The following ANKRD28 variants were observed in gnomAD, a reference collection of about 807,000 sequenced individuals.
ANKRD28 encodes the protein ankyrin repeat domain 28.
ANKRD28 carries 44 observed loss-of-function variants against 126.5 expected under a neutral mutation model. The ratio of observed to expected loss-of-function variants is 0.35; its 90% CI spans 0.27 to 0.45. The LOEUF is 0.45. Among genes scored for constraint, ANKRD28 ranks in the 20% least tolerant of loss-of-function variants. ANKRD28 has a pLI of 1.00. For synonymous variants in ANKRD28, 442 were observed against 468.5 expected (o/e 0.94, Z 0.73); for missense variants, 1,110 against 1,316.6 (o/e 0.84, Z 2.43).
At chr3:15,730,910 C>G (rs567486448) in intron 6 of ANKRD28, among the ~76,000 whole-genome samples, 1 of 152,112 alleles carries the variant, frequency 6.6e-6, no homozygotes, top group Non-Finnish European at 1.5e-5. Context: ...TCTGTCCTCA[C>G]GAACATATCA....
intron 1 of ANKRD28, among the ~76,000 whole-genome samples, chr3:15,828,211 CAAAG>C (rs1411871492): frequency 6.6e-6 from 1 of 152,054 alleles, no homozygotes; most frequent in African/African-American, 2.4e-5. Context: ...GAAAGAATGA[CAAAG>C]AATTGCAGGG....
intron 1 of ANKRD28, among the ~76,000 whole-genome samples, chr3:15,811,613 C>G (rs2060713835): frequency 6.6e-6 from 1 of 151,972 alleles, no homozygotes; most frequent in South Asian, 2.1e-4. Context: ...CGCCACCATG[C>G]CCAGCTAATT....
intron 1 of ANKRD28, among the ~76,000 whole-genome samples, chr3:15,836,296 C>T (rs1030705321): frequency 5.3e-5 from 8 of 151,738 alleles, no homozygotes; most frequent in South Asian, 2.1e-4. Context: ...ATAGTTATAC[C>T]GGAGGACTAT....
chr3:15,700,283 A>T (rs2070364097), intron 14 of ANKRD28, among the ~76,000 whole-genome samples: 1 of 151,868 alleles, frequency 6.6e-6, no homozygotes, highest in Non-Finnish European at 1.5e-5. Flanking sequence ...AACATCATAC[A>T]CCGGGGCCTG....
intron 4 of ANKRD28, among the ~76,000 whole-genome samples, chr3:15,742,357 G>A (rs184785841): frequency 0.054 from 7,933 of 148,222 alleles, 624 homozygotes; most frequent in African/African-American, 0.17. Flanking sequence ...GCCGCCCATC[G>A]TCTGAGATGT....
chr3:15,771,308 G>T (rs2058991934), intron 2 of ANKRD28, among the ~76,000 whole-genome samples: 1 of 151,872 alleles, frequency 6.6e-6, no homozygotes. Flanking sequence ...TACTTGGGAG[G>T]CTGAGGCAGC....
chr3:15,782,107 T>C (rs1396246429), intron 2 of ANKRD28, among the ~76,000 whole-genome samples: 3 of 152,146 alleles, frequency 2.0e-5, no homozygotes, highest in East Asian at 3.8e-4. Context: ...CCACAAATCA[T>C]TGGAATATGT....
chr3:15,799,740 G>C (rs2060420962), upstream of ANKRD28, among the ~76,000 whole-genome samples: 1 of 152,020 alleles, frequency 6.6e-6, no homozygotes, highest in East Asian at 1.9e-4. Context: ...GACTTAAGCA[G>C]GTACATCCTG....
chr3:15,760,372 C>T (rs558331465), intron 3 of ANKRD28, among the ~76,000 whole-genome samples: 12 of 152,272 alleles, frequency 7.9e-5, no homozygotes, highest in South Asian at 4.1e-4. Context: ...TATAACACAC[C>T]TGTGCATGTA....
At chr3:15,688,245 T>G (rs1407620041) in intron 18 of ANKRD28, among the ~76,000 whole-genome samples, 1 of 152,252 alleles carries the variant, frequency 6.6e-6, no homozygotes, top group Non-Finnish European at 1.5e-5. Context: ...TTAATATTTT[T>G]AAAATGTACT....
At position 15,796,857 on chromosome 3, in the gene ANKRD28, G is replaced by C; in HGVS notation, c.-336C>G. ...TTTCCTCTACCAAAATAGTCTTATT[G>C]CTCTATCTCTGAAATTTACTTGCAC... On this transcript the variant is annotated 5_prime_UTR_variant, in exon 1 of 28. Transcript: ENST00000683139. The C allele has an allele frequency of 9.1e-6, 9 of 987,952 alleles. No homozygotes were observed. Among genetic ancestry groups the C allele is most frequent in the Non-Finnish European group, 1.1e-5 (9 of 831,580 alleles). The allele number at this position is 987,952 out of a possible 1,614,324, so 61.2% of individuals were successfully genotyped here.
At chr3:15,782,682 CT>C (rs1297492011) in intron 2 of ANKRD28, among the ~76,000 whole-genome samples, 7 of 152,044 alleles carry the variant, frequency 4.6e-5, no homozygotes, top group Non-Finnish European at 5.9e-5. Flanking sequence ...TCTGTGTATG[CT>C]ACCTGAATCA....
In ANKRD28 at chr3:15,742,565, G is replaced by A. The variant is rs1286245574; in HGVS notation, c.352-5332C>T. ...GCAGCCACCCCGTCTGGGAAGTGAGGAGCATCTCTGCCCAGCAGCCACCCC... is the reference window on the plus strand; with the variant it reads ...GCAGCCACCCCGTCTGGGAAGTGAGAAGCATCTCTGCCCAGCAGCCACCCC... On this transcript the variant is annotated intron_variant, in intron 4 of 27. Coordinates refer to ENST00000683139, the MANE Select transcript of ANKRD28 (RefSeq NM_001349278.2). Among the ~76,000 whole-genome samples, 52 of 141,476 alleles carry A rather than the reference G, an allele frequency of 3.7e-4. No individual in the cohort carries two copies. In the Middle Eastern group the frequency reaches 0.011, roughly 29 times the overall value. The allele number at this position is 141,476 out of a possible 152,430, so 92.8% of individuals were successfully genotyped here. A position where few individuals can be genotyped will look rare whatever the true frequency, so the allele number is the denominator to read the frequency against.
chr3:15,784,461 T>C (rs1171444392), intron 2 of ANKRD28, among the ~76,000 whole-genome samples: 2 of 151,760 alleles, frequency 1.3e-5, no homozygotes, highest in Non-Finnish European at 2.9e-5. Flanking sequence ...TAGATGTCCA[T>C]TAGATTAATA....
At chr3:15,794,127 C>T (rs1370710295) in intron 2 of ANKRD28, among the ~76,000 whole-genome samples, 1 of 151,978 alleles carries the variant, frequency 6.6e-6, no homozygotes, top group South Asian at 2.1e-4. Flanking sequence ...ATGTTTCCAA[C>T]TAAATATAAA....
rs188881885 is a variant in ANKRD28, at chr3:15,762,508, G to A, written c.280+3726C>T. On this transcript the variant is annotated intron_variant, in intron 3 of 27. Transcript: ENST00000683139. ...TAAAACATATAAATACACTTCTCCA[G>A]AGTATATAGAGTCTATTTTTTTTCA... is the stretch of plus-strand genomic sequence containing the variant. 1.0e-3 allele frequency among the ~76,000 whole-genome samples: 154 copies of A among 152,276 alleles called. 2 individuals are homozygous for A. In the Middle Eastern group the frequency reaches 0.027, roughly 27 times the overall value.
chr3:15,857,057 G>A (rs946727163), intron 1 of ANKRD28, among the ~76,000 whole-genome samples: 3 of 152,092 alleles, frequency 2.0e-5, no homozygotes, highest in Non-Finnish European at 2.9e-5. Context: ...TCCTGTAGAC[G>A]GGAAAGTTTA....
At chr3:15,778,437 T>G (rs2059395305) in intron 2 of ANKRD28, among the ~76,000 whole-genome samples, 1 of 152,112 alleles carries the variant, frequency 6.6e-6, no homozygotes, top group African/African-American at 2.4e-5. Flanking sequence ...AAAAAATCTG[T>G]TTTTTGGCTC....
chr3:15,844,892 T>G (rs1383048709), intron 1 of ANKRD28, among the ~76,000 whole-genome samples: 1 of 152,216 alleles, frequency 6.6e-6, no homozygotes, highest in Non-Finnish European at 1.5e-5. Context: ...AGAGGTTTAA[T>G]TGGCTCACAG....
Sources: gnomAD v4.1 joint callset for allele counts (sites outside exome capture counted in the v4.1 genomes callset) on GRCh38, gnomAD v4.1.1 for gene constraint, MANE v1.5 for transcripts, NCBI Gene and HGNC (gene_info 2026-07-23, HGNC 2026-07-21) for gene names.